Variants in TRPC6 observed in about 807,000 individuals in gnomAD.
The protein encoded by TRPC6 is transient receptor potential cation channel subfamily C member 6, also known as short transient receptor potential channel 6.
TRPC6 carries 55 observed loss-of-function variants against 90.7 expected under a neutral mutation model. That is an observed-to-expected ratio of 0.61 (90% confidence interval 0.49 to 0.76). The LOEUF is 0.76. Ranked by LOEUF, TRPC6 falls within the 30% of genes least tolerant of loss-of-function variation. The pLI is 0.00. For missense variants in TRPC6, 989 were observed against 1,122.7 expected, an observed-to-expected ratio of 0.88 and a Z score of 1.70; for synonymous variants, 393 against 393.0, an observed-to-expected ratio of 1.00 and a Z score of 0.00.
intron 1 of TRPC6, among the ~76,000 whole-genome samples, chr11:101,541,250 A>G (rs1861164873): frequency 6.6e-6 from 1 of 152,190 alleles, no homozygotes; most frequent in Admixed American, 6.5e-5. Flanking sequence ...AAATGTTTAA[A>G]CTCATTCAGC....
intron 1 of TRPC6, among the ~76,000 whole-genome samples, chr11:101,509,539 T>C (rs1860351998): frequency 6.6e-6 from 1 of 152,192 alleles, no homozygotes; most frequent in Non-Finnish European, 1.5e-5. Flanking sequence ...AGTTGTGACA[T>C]CTTTTATTCT....
intron 1 of TRPC6, among the ~76,000 whole-genome samples, chr11:101,558,293 G>GTA: frequency 7.3e-6 from 1 of 136,954 alleles, no homozygotes; most frequent in African/African-American, 2.8e-5. Flanking sequence ...ATGTATACAT[G>GTA]TATATGGGTA....
At chr11:101,556,933 A>G (rs560258420) in intron 1 of TRPC6, among the ~76,000 whole-genome samples, 2 of 152,234 alleles carry the variant, frequency 1.3e-5, no homozygotes, top group African/African-American at 4.8e-5. Flanking sequence ...GATCCATTAC[A>G]TTGAAAAACA....
Position 101,481,392 on chromosome 11 carries a change from C to T in TRPC6, c.1510+1557G>A, listed in dbSNP as rs887256438. The stretch of plus-strand genomic sequence containing the variant: ...AAGTACCATCTGGAATTGAGGATGG[C>T]TGGAACTTTATTCAAAACCCAAATA... On this transcript the variant is annotated intron_variant, in intron 5 of 12. Transcript: ENST00000344327. Among the ~76,000 whole-genome samples the T allele has an allele frequency of 5.9e-5, 9 of 152,198 alleles. No individual in the cohort carries two copies. In the East Asian group the frequency reaches 1.7e-3, roughly 29 times the overall value.
intron 1 of TRPC6, among the ~76,000 whole-genome samples, chr11:101,566,704 T>G (rs185590056): frequency 1.3e-5 from 2 of 152,140 alleles, no homozygotes; most frequent in South Asian, 2.1e-4. Flanking sequence ...CTGGGACAGG[T>G]TGGACAGTGG....
intron 2 of TRPC6, 95 bp from the exon 3 acceptor site, chr11:101,491,833 ATTCTT>A: frequency 2.3e-5 from 18 of 778,570 alleles, no homozygotes; most frequent in South Asian, 4.0e-5. Context: ...TAAGAGAAAC[ATTCTT>A]TTTTTTTTTT....
At chr11:101,459,263 G>A (rs146459827) in intron 10 of TRPC6, among the ~76,000 whole-genome samples, 173 of 152,302 alleles carry the variant, frequency 1.1e-3, no homozygotes, top group African/African-American at 3.4e-3. Flanking sequence ...GGGAGAAGGC[G>A]GAGAAATCCT....
intron 1 of TRPC6, among the ~76,000 whole-genome samples, chr11:101,505,699 G>A (rs7927803): frequency 0.46 from 69,732 of 151,868 alleles, 16,395 homozygotes; most frequent in African/African-American, 0.55. Context: ...AGCCTTCAAC[G>A]TAGTCCTTCA....
At chr11:101,534,487 A>C (rs7931676) in intron 1 of TRPC6, among the ~76,000 whole-genome samples, 1 of 151,922 alleles carries the variant, frequency 6.6e-6, no homozygotes, top group East Asian at 1.9e-4. Flanking sequence ...CTAAAGTATC[A>C]TTTCAAGATA....
At chr11:101,466,917 G>T (rs1859160450) in intron 10 of TRPC6, among the ~76,000 whole-genome samples, 1 of 152,192 alleles carries the variant, frequency 6.6e-6, no homozygotes, top group Non-Finnish European at 1.5e-5. Context: ...CACAGTATCT[G>T]GGTCAGAATG....
At chr11:101,482,296 A>T (rs1168082177) in intron 5 of TRPC6, among the ~76,000 whole-genome samples, 1 of 152,224 alleles carries the variant, frequency 6.6e-6, no homozygotes, top group Non-Finnish European at 1.5e-5. Flanking sequence ...TATCTAATTG[A>T]AGTATCTTTA....
chr11:101,461,302 T>C (rs1049921255), intron 10 of TRPC6, among the ~76,000 whole-genome samples: 77 of 152,344 alleles, frequency 5.1e-4, no homozygotes, highest in African/African-American at 1.7e-3. Context: ...CGGTGGCTGA[T>C]GCCTGTAATC....
intron 1 of TRPC6, among the ~76,000 whole-genome samples, chr11:101,543,063 G>T (rs889517068): frequency 4.6e-5 from 7 of 152,004 alleles, no homozygotes; most frequent in African/African-American, 1.7e-4. Flanking sequence ...AATATATAAA[G>T]AATTCTTACA....
chr11:101,469,755 A>ACTCAAT (rs1254947133), intron 9 of TRPC6, among the ~76,000 whole-genome samples: 11 of 152,188 alleles, frequency 7.2e-5, no homozygotes, highest in African/African-American at 2.7e-4. Flanking sequence ...AATTTTTGCC[A>ACTCAAT]CTCAATCCAC....
chr11:101,473,789 G>T lies in TRPC6; in HGVS notation c.1745-16C>A, dbSNP rs749693901. 6.2e-7 allele frequency: 1 copy of T among 1,613,410 alleles called. No individual in the cohort carries two copies. Among genetic ancestry groups the T allele is most frequent in the Admixed American group, 1.7e-5 (1 of 59,988 alleles). ...TTTATCCTGGCTAGGAAAAAGCAAA[G>T]ACAAAGAGTTGTGTGAGTTTCTTCA... On this transcript the variant is annotated splice_polypyrimidine_tract_variant and intron_variant, in intron 6 of 12. Coordinates refer to ENST00000344327, the MANE Select transcript of TRPC6 (RefSeq NM_004621.6).
At chr11:101,505,731 T>G (rs997143916) in intron 1 of TRPC6, among the ~76,000 whole-genome samples, 1 of 152,174 alleles carries the variant, frequency 6.6e-6, no homozygotes, top group African/African-American at 2.4e-5. Context: ...GAAGGGAAAG[T>G]GAGCCGGGTG....
intron 1 of TRPC6, among the ~76,000 whole-genome samples, chr11:101,553,688 T>G (rs968519928): frequency 1.3e-5 from 2 of 152,108 alleles, no homozygotes; most frequent in Non-Finnish European, 2.9e-5. Context: ...TGGATCACAT[T>G]CACTAAGAAT....
At chr11:101,498,854 G>A (rs900309855) in intron 2 of TRPC6, among the ~76,000 whole-genome samples, 4 of 151,958 alleles carry the variant, frequency 2.6e-5, no homozygotes, top group African/African-American at 9.7e-5. Flanking sequence ...AAGCAAGAGA[G>A]AGTCCCCCTT....
intron 1 of TRPC6, among the ~76,000 whole-genome samples, chr11:101,540,714 T>C (rs1463690094): frequency 6.6e-6 from 1 of 152,236 alleles, no homozygotes; most frequent in Non-Finnish European, 1.5e-5. Flanking sequence ...TTTTTTGTTC[T>C]GAAATACTGA....
Sources: gnomAD v4.1 joint callset for allele counts (sites outside exome capture counted in the v4.1 genomes callset) on GRCh38, gnomAD v4.1.1 for gene constraint, MANE v1.5 for transcripts, NCBI Gene and HGNC (gene_info 2026-07-23, HGNC 2026-07-21) for gene names.